Variants in POU3F3 observed in about 807,000 individuals in gnomAD.
The protein encoded by POU3F3 is POU domain, class 3, transcription factor 3.
A neutral mutation model predicts 8.6 loss-of-function variants in POU3F3; 1 was observed. The ratio of observed to expected loss-of-function variants is 0.12; its 90% CI spans 0.04 to 0.55. The LOEUF is 0.55. Ranked by LOEUF, POU3F3 falls within the 20% of genes least tolerant of loss-of-function variation. POU3F3 has a pLI of 0.91. For synonymous variants in POU3F3, 418 were observed against 327.4 expected (o/e 1.28, Z -2.99); for missense variants, 577 against 690.7 (o/e 0.84, Z 1.84).
At chr2:104,906,803 C>T in the POU3F3 span, among the ~76,000 whole-genome samples, 570 of 152,266 alleles carry the variant, frequency 3.7e-3, 3 homozygotes, top group African/African-American at 0.013. Context: ...CACCCCATTT[C>T]TCCTCCTACT....
At chr2:104,916,193 C>G in the POU3F3 span, among the ~76,000 whole-genome samples, 4 of 152,170 alleles carry the variant, frequency 2.6e-5, no homozygotes, top group African/African-American at 9.6e-5. Flanking sequence ...TAATAAAGAG[C>G]TCAAGATTTA....
the POU3F3 span, among the ~76,000 whole-genome samples, chr2:104,875,012 C>T: frequency 6.6e-6 from 1 of 152,188 alleles, no homozygotes; most frequent in Admixed American, 6.5e-5. Context: ...CTGCCCCCAG[C>T]CCTTGGCAAC....
the POU3F3 span, among the ~76,000 whole-genome samples, chr2:104,879,300 G>A: frequency 6.6e-6 from 1 of 152,102 alleles, no homozygotes; most frequent in African/African-American, 2.4e-5. Context: ...TTCCTTCTCG[G>A]GGTGTCCGGG....
At chr2:104,875,536 C>G in the POU3F3 span, among the ~76,000 whole-genome samples, 1 of 152,148 alleles carries the variant, frequency 6.6e-6, no homozygotes, top group South Asian at 2.1e-4. Context: ...AACAGCCATC[C>G]CAGTTGGTGT....
the POU3F3 span, among the ~76,000 whole-genome samples, chr2:104,915,044 G>A: frequency 3.3e-5 from 5 of 152,160 alleles, no homozygotes; most frequent in African/African-American, 1.2e-4. Flanking sequence ...AGGTAGCGCA[G>A]GGTCACTCGG....
At chr2:104,900,161 G>A in the POU3F3 span, among the ~76,000 whole-genome samples, 7 of 152,184 alleles carry the variant, frequency 4.6e-5, no homozygotes, top group Admixed American at 2.6e-4. Flanking sequence ...GAGACTGGGT[G>A]ACCTCCAATT....
At chr2:104,872,521 C>A in the POU3F3 span, 1 of 339,878 alleles carries the variant, frequency 2.9e-6, no homozygotes, top group Non-Finnish European at 5.8e-6. The surrounding 1 kb of genome is among the most constrained non-coding windows in gnomAD (Gnocchi z 4.6). Context: ...TTCAGCTTAC[C>A]CTTTCCTCCC....
chr2:104,854,047 C>G (rs890459656), upstream of POU3F3, among the ~76,000 whole-genome samples: 1 of 152,230 alleles, frequency 6.6e-6, no homozygotes, highest in Non-Finnish European at 1.5e-5. The surrounding 1 kb of genome is among the most constrained non-coding windows in gnomAD (Gnocchi z 4.5). Flanking sequence ...AGCGGGGGCC[C>G]TGGTGCTCGA....
the POU3F3 span, among the ~76,000 whole-genome samples, chr2:104,895,999 G>A: frequency 2.6e-5 from 4 of 152,286 alleles, no homozygotes; most frequent in East Asian, 5.8e-4. Context: ...GATGAGCAGG[G>A]AGTCTGTTTC....
the POU3F3 span, among the ~76,000 whole-genome samples, chr2:104,927,001 G>A: frequency 6.6e-6 from 1 of 152,150 alleles, no homozygotes; most frequent in Non-Finnish European, 1.5e-5. Flanking sequence ...AACACCTAAT[G>A]TAGATGATGG....
chr2:104,865,848 T>C, the POU3F3 span: 1 of 152,110 alleles, frequency 6.6e-6, no homozygotes, highest in Non-Finnish European at 1.5e-5. Flanking sequence ...GAGTTAAAAA[T>C]AAATTAAATA....
the POU3F3 span, among the ~76,000 whole-genome samples, chr2:104,920,121 T>C: frequency 6.6e-6 from 1 of 152,176 alleles, no homozygotes; most frequent in Non-Finnish European, 1.5e-5. Context: ...TTCAAGGGAT[T>C]CTCCCGCCTC....
chr2:104,855,052 G>A lies in POU3F3; in HGVS notation c.-459G>A, dbSNP rs1369101349. 6.6e-6 allele frequency among the ~76,000 whole-genome samples: 1 copy of A among 151,968 alleles called. No homozygotes were observed. The highest frequency in any genetic ancestry group is 1.5e-5 in the Non-Finnish European group (1 of 67,924). On this transcript the variant is annotated 5_prime_UTR_variant, in exon 1 of 1. Transcript: ENST00000361360. ...GAGGAGCGGGAGCCCGCGCGTCCCG[G>A]GAGAGCGCCCCGAGTGCAGGTCCCC...
At chr2:104,909,305 G>A in the POU3F3 span, among the ~76,000 whole-genome samples, 1 of 152,172 alleles carries the variant, frequency 6.6e-6, no homozygotes, top group Non-Finnish European at 1.5e-5. Context: ...CCATATCCAT[G>A]GTCCCAGCGG....
the POU3F3 span, chr2:104,872,270 T>C: frequency 2.2e-6 from 1 of 456,546 alleles, no homozygotes; most frequent in South Asian, 1.5e-5. The surrounding 1 kb of genome is among the most constrained non-coding windows in gnomAD (Gnocchi z 4.6). Context: ...CCATTCCACA[T>C]ACAGACAGGA....
the POU3F3 span, among the ~76,000 whole-genome samples, chr2:104,912,598 G>C: frequency 6.6e-6 from 1 of 152,204 alleles, no homozygotes; most frequent in Non-Finnish European, 1.5e-5. Context: ...GAAGACTCAA[G>C]ATGTGTACTT....
At chr2:104,913,781 C>T in the POU3F3 span, among the ~76,000 whole-genome samples, 3 of 152,186 alleles carry the variant, frequency 2.0e-5, no homozygotes, top group African/African-American at 7.2e-5. Context: ...TACATCTTCA[C>T]ATCGTTATTT....
the POU3F3 span, among the ~76,000 whole-genome samples, chr2:104,905,519 TGACTG>T: frequency 6.6e-6 from 1 of 152,200 alleles, no homozygotes; most frequent in Non-Finnish European, 1.5e-5. Flanking sequence ...TAGTTTTCTG[TGACTG>T]TTGTAACAAA....
downstream of POU3F3, among the ~76,000 whole-genome samples, chr2:104,859,791 A>G (rs1011177286): frequency 3.9e-5 from 6 of 152,238 alleles, no homozygotes; most frequent in Non-Finnish European, 5.9e-5. Flanking sequence ...GAAGAAAAAA[A>G]TGAAGACAAG....
Sources: gnomAD v4.1 joint callset for allele counts (sites outside exome capture counted in the v4.1 genomes callset) on GRCh38, gnomAD v4.1.1 for gene constraint, Gnocchi (gnomAD v3.1) non-coding constraint, MANE v1.5 for transcripts, NCBI Gene and HGNC (gene_info 2026-07-23, HGNC 2026-07-21) for gene names.